Variants in ARB2A observed in about 807,000 individuals in gnomAD.
The protein encoded by ARB2A is ARB2 cotranscriptional regulator A.
chr5:94,000,100 C>A, the ARB2A span, among the ~76,000 whole-genome samples: 2 of 151,992 alleles, frequency 1.3e-5, no homozygotes, highest in Admixed American at 1.3e-4. Context: ...CAAGTTTTGG[C>A]AATTATGAAT....
the ARB2A span, among the ~76,000 whole-genome samples, chr5:93,727,456 G>A: frequency 6.6e-6 from 1 of 151,988 alleles, no homozygotes. Flanking sequence ...CTGAAGTTGA[G>A]TTACAAATAA....
chr5:93,795,930 A>C, the ARB2A span, among the ~76,000 whole-genome samples: 1 of 152,224 alleles, frequency 6.6e-6, no homozygotes, highest in Non-Finnish European at 1.5e-5. Context: ...TCTGAATTTC[A>C]AATGAAATGT....
the ARB2A span, among the ~76,000 whole-genome samples, chr5:93,764,488 G>A: frequency 6.6e-6 from 1 of 152,134 alleles, no homozygotes; most frequent in Non-Finnish European, 1.5e-5. Context: ...ACCCTCCCAA[G>A]AATAAACCAG....
chr5:93,749,079 T>C, the ARB2A span, among the ~76,000 whole-genome samples: 3 of 152,080 alleles, frequency 2.0e-5, no homozygotes, highest in South Asian at 4.1e-4. Context: ...CCAGTGTCAC[T>C]TTCTCTGGGA....
chr5:93,781,000 C>T, the ARB2A span, among the ~76,000 whole-genome samples: 2 of 152,162 alleles, frequency 1.3e-5, no homozygotes, highest in African/African-American at 2.4e-5. Context: ...TACATAACAT[C>T]AGTAACTTTA....
the ARB2A span, among the ~76,000 whole-genome samples, chr5:94,018,243 C>T: frequency 6.6e-6 from 1 of 152,198 alleles, no homozygotes; most frequent in South Asian, 2.1e-4. Context: ...GAGACATCAG[C>T]TGTACAAAGA....
chr5:93,921,115 C>T, the ARB2A span, among the ~76,000 whole-genome samples: 2 of 150,134 alleles, frequency 1.3e-5, no homozygotes, highest in South Asian at 4.2e-4. Context: ...GTTGTGGTTG[C>T]CCGCCATTTC....
chr5:93,935,509 C>A, the ARB2A span, among the ~76,000 whole-genome samples: 1 of 152,054 alleles, frequency 6.6e-6, no homozygotes, highest in Non-Finnish European at 1.5e-5. Context: ...TTAAGTATTG[C>A]TGAAGGGTTT....
At chr5:94,017,719 T>C in the ARB2A span, among the ~76,000 whole-genome samples, 1 of 152,184 alleles carries the variant, frequency 6.6e-6, no homozygotes, top group African/African-American at 2.4e-5. Context: ...TATTAGAAGC[T>C]GTAGTGCTGA....
the ARB2A span, among the ~76,000 whole-genome samples, chr5:93,954,798 G>A: frequency 3.9e-5 from 6 of 152,228 alleles, no homozygotes; most frequent in South Asian, 2.1e-4. Flanking sequence ...ACTTTGGCTC[G>A]TGCTGTGAGG....
At chr5:93,681,152 C>A in the ARB2A span, among the ~76,000 whole-genome samples, 1 of 151,916 alleles carries the variant, frequency 6.6e-6, no homozygotes, top group African/African-American at 2.4e-5. Context: ...CAAATAGGTG[C>A]TTTTATTACT....
the ARB2A span, among the ~76,000 whole-genome samples, chr5:94,035,236 C>CATATACATATACATATACATATAT: frequency 2.6e-5 from 4 of 151,760 alleles, no homozygotes; most frequent in African/African-American, 9.7e-5. Flanking sequence ...TATACATATA[C>CATATACATATACATATACATATAT]ATATACATAT....
At chr5:94,089,439 C>T in the ARB2A span, among the ~76,000 whole-genome samples, 1 of 152,092 alleles carries the variant, frequency 6.6e-6, no homozygotes, top group East Asian at 1.9e-4. Context: ...ACCGCAGGTA[C>T]TATTTTGTCT....
the ARB2A span, among the ~76,000 whole-genome samples, chr5:93,818,322 G>T: frequency 6.6e-6 from 1 of 152,138 alleles, no homozygotes; most frequent in Non-Finnish European, 1.5e-5. Flanking sequence ...AAATTAGATA[G>T]TAATGATAGT....
the ARB2A span, among the ~76,000 whole-genome samples, chr5:93,841,797 CA>C: frequency 6.6e-6 from 1 of 152,084 alleles, no homozygotes; most frequent in Non-Finnish European, 1.5e-5. Flanking sequence ...AATAAAACAG[CA>C]AGAGGCCATT....
chr5:94,016,378 T>C, the ARB2A span, among the ~76,000 whole-genome samples: 5 of 152,224 alleles, frequency 3.3e-5, no homozygotes, highest in African/African-American at 7.2e-5. Context: ...TACTGTAGAA[T>C]AGAGAAACAT....
At chr5:94,016,713 T>C in the ARB2A span, among the ~76,000 whole-genome samples, 6 of 152,216 alleles carry the variant, frequency 3.9e-5, no homozygotes, top group African/African-American at 1.4e-4. Context: ...TAAAATAACC[T>C]TACTATTACA....
the ARB2A span, among the ~76,000 whole-genome samples, chr5:93,852,853 T>C: frequency 2.6e-5 from 4 of 152,230 alleles, no homozygotes; most frequent in Non-Finnish European, 5.9e-5. Context: ...TTTTGGTTAC[T>C]GTAGCCTTGT....
At chr5:93,814,076 C>T in the ARB2A span, among the ~76,000 whole-genome samples, 1 of 152,134 alleles carries the variant, frequency 6.6e-6, no homozygotes, top group East Asian at 1.9e-4. Flanking sequence ...CTCTTGATGT[C>T]CCTGTTTTTC....
Sources: allele counts gnomAD v4.1 joint callset (sites outside exome capture counted in the v4.1 genomes callset), GRCh38; gene constraint gnomAD v4.1.1; transcripts MANE v1.5; gene names NCBI Gene and HGNC (gene_info 2026-07-23, HGNC 2026-07-21).